Variants in ARHGEF10L observed in about 807,000 individuals in gnomAD.
ARHGEF10L encodes Rho guanine nucleotide exchange factor 10 like.
In ARHGEF10L, 69 loss-of-function variants were observed where a neutral mutation model predicts 141.2. The observed-to-expected ratio is 0.49, with a 90% confidence interval of 0.40 to 0.60. The LOEUF (loss-of-function observed/expected upper bound fraction) is 0.60. ARHGEF10L is among the 20% of genes least tolerant of loss of function. The pLI is 0.00. For synonymous variants in ARHGEF10L, 711 were observed against 718.5 expected (o/e 0.99, Z 0.17); for missense variants, 1,482 against 1,734.3 (o/e 0.85, Z 2.58).
the ARHGEF10L span, among the ~76,000 whole-genome samples, chr1:17,514,125 CTTTTTTTTTTTTTT>C: frequency 3.7e-3 from 149 of 40,492 alleles, no homozygotes; most frequent in African/African-American, 0.013. Context: ...CACCCAGCCT[CTTTTTTTTTTTTTT>C]TTTTTTTTTT....
chr1:17,520,771 A>G, the ARHGEF10L span, among the ~76,000 whole-genome samples: 14 of 152,118 alleles, frequency 9.2e-5, no homozygotes, highest in Admixed American at 9.2e-4. Context: ...GACTTCCCTC[A>G]CTTCCTTCTT....
At chr1:17,520,074 A>C in the ARHGEF10L span, among the ~76,000 whole-genome samples, 2 of 152,118 alleles carry the variant, frequency 1.3e-5, no homozygotes, top group Admixed American at 6.5e-5. Flanking sequence ...GCTCAGCCCT[A>C]CTACTTGGCA....
At chr1:17,513,730 AC>A in the ARHGEF10L span, among the ~76,000 whole-genome samples, 6 of 152,142 alleles carry the variant, frequency 3.9e-5, no homozygotes, top group Non-Finnish European at 7.4e-5. Flanking sequence ...TGGAGGGCTG[AC>A]CTTGGGCAGA....
intron 4 of ARHGEF10L, among the ~76,000 whole-genome samples, chr1:17,599,591 A>C (rs2100887809): frequency 6.6e-6 from 1 of 152,236 alleles, no homozygotes; most frequent in Non-Finnish European, 1.5e-5. Context: ...GTGGCGGCTC[A>C]GCGAAGCAGC....
intron 15 of ARHGEF10L, among the ~76,000 whole-genome samples, chr1:17,630,605 G>C (rs1037981276): frequency 3.2e-4 from 48 of 152,220 alleles, no homozygotes; most frequent in African/African-American, 1.1e-3. Context: ...TGCAGGGAAT[G>C]GTGAACGTGG....
At chr1:17,565,685 G>A (rs950184789) in intron 1 of ARHGEF10L, among the ~76,000 whole-genome samples, 4 of 152,170 alleles carry the variant, frequency 2.6e-5, no homozygotes, top group East Asian at 1.9e-4. Context: ...TGAGCCATGC[G>A]CTAGGCTCCG....
At chr1:17,601,126 T>C (rs1412493207) in intron 4 of ARHGEF10L, among the ~76,000 whole-genome samples, 1 of 152,090 alleles carries the variant, frequency 6.6e-6, no homozygotes, top group Non-Finnish European at 1.5e-5. Context: ...TGCCAGGTAT[T>C]CGGTACAATG....
intron 26 of ARHGEF10L, among the ~76,000 whole-genome samples, chr1:17,681,620 G>A (rs1396975287): frequency 1.3e-5 from 2 of 152,192 alleles, no homozygotes; most frequent in Non-Finnish European, 2.9e-5. Context: ...GCCAGGTGCT[G>A]TGGGGCTGGG....
At chr1:17,521,876 G>A in the ARHGEF10L span, among the ~76,000 whole-genome samples, 22 of 152,040 alleles carry the variant, frequency 1.4e-4, no homozygotes, top group Non-Finnish European at 1.9e-4. Flanking sequence ...ACTGTGTGAC[G>A]CTCTGGCTGG....
At chr1:17,616,320 T>C in intron 9 of ARHGEF10L, 118 bp downstream of exon 9, 1 of 833,542 alleles carries the variant, frequency 1.2e-6, no homozygotes. Flanking sequence ...TGGCGTATGG[T>C]TCCTCTGGTG....
At chr1:17,660,397 G>T (rs1465655326) in intron 25 of ARHGEF10L, among the ~76,000 whole-genome samples, 2 of 152,148 alleles carry the variant, frequency 1.3e-5, no homozygotes, top group African/African-American at 4.8e-5. Flanking sequence ...GTGAAATGGG[G>T]GTGTGGACAG....
At chr1:17,590,290 A>C (rs1292089200) in intron 4 of ARHGEF10L, among the ~76,000 whole-genome samples, 1 of 151,912 alleles carries the variant, frequency 6.6e-6, no homozygotes. Context: ...ATTTTTGCCC[A>C]CTCAGAGATG....
intron 1 of ARHGEF10L, among the ~76,000 whole-genome samples, chr1:17,565,212 G>A (rs936961288): frequency 3.0e-4 from 46 of 152,260 alleles, no homozygotes; most frequent in African/African-American, 1.1e-3. Context: ...CATTCACGAG[G>A]GCTCTACCCT....
At chr1:17,685,607 C>T (rs1357042556) in intron 26 of ARHGEF10L, among the ~76,000 whole-genome samples, 2 of 152,218 alleles carry the variant, frequency 1.3e-5, no homozygotes, top group South Asian at 4.1e-4. Flanking sequence ...TTTTAATTGC[C>T]TCCTGTCCTG....
intron 22 of ARHGEF10L, among the ~76,000 whole-genome samples, chr1:17,653,883 A>G (rs998653570): frequency 6.6e-6 from 1 of 152,226 alleles, no homozygotes; most frequent in Non-Finnish European, 1.5e-5. Context: ...GCCCATGGCC[A>G]TTAGAAATTT....
chr1:17,673,772 C>T lies in ARHGEF10L; in HGVS notation c.3009+9177C>T, dbSNP rs1278432844. On this transcript the variant is annotated intron_variant, in intron 26 of 28. Transcript: ENST00000361221. This position sits in a 1 kb window ranked among gnomAD's most constrained non-coding sequence, Gnocchi z 4.1. Reference sequence around the variant, plus strand: ...TCCCACTGATGGCCTCAGTTTCCTTCCTGTAAAATGGGGGATAATTATAGA... The same window carrying T: ...TCCCACTGATGGCCTCAGTTTCCTTTCTGTAAAATGGGGGATAATTATAGA... Among the ~76,000 whole-genome samples, 1 of 152,140 alleles carries T rather than the reference C, an allele frequency of 6.6e-6. No homozygotes were observed. The highest frequency in any genetic ancestry group is 1.5e-5 in the Non-Finnish European group (1 of 68,024).
intron 1 of ARHGEF10L, among the ~76,000 whole-genome samples, chr1:17,572,821 G>A (rs1243160953): frequency 6.6e-6 from 1 of 152,156 alleles, no homozygotes; most frequent in South Asian, 2.1e-4. Context: ...GAGGAGGTGA[G>A]CCTGACCCCT....
intron 11 of ARHGEF10L, 133 bp from the exon 12 acceptor site, chr1:17,622,863 G>A (rs1571005774): frequency 1.1e-6 from 1 of 881,260 alleles, no homozygotes; most frequent in East Asian, 2.6e-5. Flanking sequence ...AAGGACGCAT[G>A]AGGAGTGAGG....
Position 17,590,943 on chromosome 1 carries a change from C to T in ARHGEF10L, c.257+2464C>T, listed in dbSNP as rs112166281. 2.4e-3 allele frequency among the ~76,000 whole-genome samples: 360 copies of T among 152,276 alleles called. 1 individual carries two copies. Among genetic ancestry groups the T allele is most frequent in the African/African-American group, 7.7e-3 (320 of 41,544 alleles). Reference sequence around the variant, plus strand: ...TGGAGGTTGTAGTGAGGCGAGATTGCGCCATTTCACTCCAGCCTGTGTGAC... The same window carrying T: ...TGGAGGTTGTAGTGAGGCGAGATTGTGCCATTTCACTCCAGCCTGTGTGAC... On this transcript the variant is annotated intron_variant, in intron 4 of 28. Transcript: ENST00000361221.
Sources: gnomAD v4.1 joint callset for allele counts (sites outside exome capture counted in the v4.1 genomes callset) on GRCh38, gnomAD v4.1.1 for gene constraint, Gnocchi (gnomAD v3.1) non-coding constraint, MANE v1.5 for transcripts, NCBI Gene and HGNC (gene_info 2026-07-23, HGNC 2026-07-21) for gene names.